The following CAT variants were observed in gnomAD, a reference collection of about 807,000 sequenced individuals.
The protein encoded by CAT is catalase, also known as epididymis secretory sperm binding protein.
A neutral mutation model predicts 59.0 loss-of-function variants in CAT; 43 were observed. The observed-to-expected ratio is 0.73, with a 90% CI of 0.57 to 0.94. The LOEUF is 0.94. Ranked by LOEUF, CAT falls within the 40% of genes least tolerant of loss-of-function variation. CAT has a pLI of 0.00. For synonymous variants in CAT, 218 were observed against 230.9 expected, an observed-to-expected ratio of 0.94 and a Z score of 0.51; for missense variants, 664 against 682.9, an observed-to-expected ratio of 0.97 and a Z score of 0.31.
intron 11 of CAT, 85 bp downstream of exon 11, chr11:34,468,480 C>A: frequency 1.0e-6 from 1 of 962,600 alleles, no homozygotes; most frequent in South Asian, 1.3e-5. Flanking sequence ...AAGAAAGTGC[C>A]ATTTCTGTTT....
At position 34,452,220 on chromosome 11, in the gene CAT, G is replaced by A. The variant is rs1222251736; in HGVS notation, c.480+13G>A. On this transcript the variant is annotated intron_variant, in intron 4 of 12. Transcript: ENST00000241052. Reference sequence around the variant, plus strand: ...GGATCCCATATTGGTAGGTAATAGAGTATTTTGCACTCAACAAATGTTTGT... The same window carrying A: ...GGATCCCATATTGGTAGGTAATAGAATATTTTGCACTCAACAAATGTTTGT... 5.6e-6 allele frequency: 9 copies of A among 1,612,796 alleles called. No homozygotes were observed. The highest frequency in any genetic ancestry group is 7.6e-6 in the Non-Finnish European group (9 of 1,178,856).
At chr11:34,454,510 C>G (rs1368857914) in intron 6 of CAT, among the ~76,000 whole-genome samples, 1 of 152,196 alleles carries the variant, frequency 6.6e-6, no homozygotes, top group Non-Finnish European at 1.5e-5. Flanking sequence ...CCAAATACTG[C>G]TGCTAAGATA....
intron 1 of CAT, among the ~76,000 whole-genome samples, chr11:34,448,891 G>T (rs1359692532): frequency 6.6e-6 from 1 of 152,148 alleles, no homozygotes; most frequent in Non-Finnish European, 1.5e-5. Flanking sequence ...TGGGAGCTTT[G>T]CAGAACCCAG....
chr11:34,454,044 A>G, intron 6 of CAT, 118 bp downstream of exon 6: 1 of 1,068,862 alleles, frequency 9.4e-7, no homozygotes, highest in African/African-American at 1.6e-5. Flanking sequence ...TCCATCCCCA[A>G]AGTTGGGAAG....
At chr11:34,465,565 T>G (rs756978286) in intron 10 of CAT, among the ~76,000 whole-genome samples, 20 of 152,304 alleles carry the variant, frequency 1.3e-4, no homozygotes, top group Non-Finnish European at 1.0e-4. Context: ...AGGCTATTGC[T>G]TACACATGAA....
chr11:34,442,265 G>A (rs1031978208), intron 1 of CAT, among the ~76,000 whole-genome samples: 2 of 152,194 alleles, frequency 1.3e-5, no homozygotes, highest in Non-Finnish European at 2.9e-5. Context: ...TGTAGGCTAA[G>A]TGTTATAATA....
intron 8 of CAT, among the ~76,000 whole-genome samples, chr11:34,459,260 G>A (rs558549022): frequency 2.6e-5 from 4 of 152,276 alleles, no homozygotes; most frequent in African/African-American, 9.6e-5. Flanking sequence ...TGTCTTGTTG[G>A]ACAGGAAGTG....
At chr11:34,458,451 G>A (rs1856614846) in intron 8 of CAT, among the ~76,000 whole-genome samples, 1 of 152,188 alleles carries the variant, frequency 6.6e-6, no homozygotes, top group South Asian at 2.1e-4. Flanking sequence ...ATTGGGAATA[G>A]CAAAAGGAAA....
Position 34,452,152 on chromosome 11 carries a change from A to T in CAT, c.425A>T (p.Asn142Ile). ...FAVKFYTEDGNWDLVGNNTPI... is the reference protein window; with the variant it reads ...FAVKFYTEDGIWDLVGNNTPI... ...GTGAAATTTTACACAGAAGATGGTA[A>T]CTGGGATCTCGTTGGAAATAACACC... Residue 142 changes from asparagine (N) to isoleucine (I), a missense_variant, in exon 4 of 13, where the codon AAC becomes ATC. Physicochemically the swap from Asn to Ile is moderately radical, Grantham distance 149 (BLOSUM62 -3). Transcript: ENST00000241052. The T allele has an allele frequency of 6.2e-7, 1 of 1,613,818 alleles. No individual in the cohort carries two copies. Among genetic ancestry groups the T allele is most frequent in the South Asian group, 1.1e-5 (1 of 91,074 alleles).
intron 12 of CAT, 34 bp from the exon 13 acceptor site, chr11:34,471,334 T>A (rs902028680): frequency 6.4e-7 from 1 of 1,550,602 alleles, no homozygotes; most frequent in Non-Finnish European, 8.9e-7. Flanking sequence ...GCCCATGAGG[T>A]GATTAACCTG....
intron 7 of CAT, 150 bp from the exon 8 acceptor site, chr11:34,456,515 C>A: frequency 2.5e-6 from 2 of 790,450 alleles, no homozygotes; most frequent in South Asian, 1.5e-5. Context: ...AAAGATTTAA[C>A]TAAGGCACTC....
At position 34,461,255 on chromosome 11, in the gene CAT, G is replaced by C; in HGVS notation, c.1061G>C (p.Arg354Pro). 6.2e-7 allele frequency: 1 copy of C among 1,614,126 alleles called. No homozygotes were observed. Among genetic ancestry groups the C allele is most frequent in the Non-Finnish European group, 8.5e-7 (1 of 1,179,974 alleles). Residue 354 changes from arginine to proline, a missense_variant, in exon 9 of 13, where the codon CGC (arginine) becomes CCC (proline). Transcript: ENST00000241052. ...CTATTGTATTTATTACTGCAGGGCCGCCTTTTTGCCTATCCTGACACTCAC... is the reference window on the plus strand; with the variant it reads ...CTATTGTATTTATTACTGCAGGGCCCCCTTTTTGCCTATCCTGACACTCAC... ...EASPDKMLQGRLFAYPDTHRH... is the reference protein window; with the variant it reads ...EASPDKMLQGPLFAYPDTHRH...
At chr11:34,463,550 C>G (rs560242280) in intron 9 of CAT, among the ~76,000 whole-genome samples, 27 of 152,264 alleles carry the variant, frequency 1.8e-4, no homozygotes, top group Non-Finnish European at 3.1e-4. Flanking sequence ...AGTTCCAACC[C>G]CATATCTACC....
At chr11:34,457,841 T>A (rs2133186939) in intron 8 of CAT, among the ~76,000 whole-genome samples, 1 of 152,378 alleles carries the variant, frequency 6.6e-6, no homozygotes, top group East Asian at 1.9e-4. Flanking sequence ...TGAAGGTTAC[T>A]TCTTATGTAA....
chr11:34,469,334 A>G (rs532743315), intron 11 of CAT, among the ~76,000 whole-genome samples: 1 of 152,250 alleles, frequency 6.6e-6, no homozygotes, highest in East Asian at 1.9e-4. Flanking sequence ...ACTGGAGAGA[A>G]TGGATACGAC....
intron 8 of CAT, among the ~76,000 whole-genome samples, chr11:34,458,252 C>G (rs1169888497): frequency 6.6e-6 from 1 of 152,160 alleles, no homozygotes; most frequent in Non-Finnish European, 1.5e-5. Flanking sequence ...TGTGTTGAAA[C>G]TATAAACAGT....
At chr11:34,462,131 T>G (rs1335219293) in intron 9 of CAT, among the ~76,000 whole-genome samples, 2 of 152,206 alleles carry the variant, frequency 1.3e-5, no homozygotes, top group Admixed American at 6.5e-5. Flanking sequence ...TTAAAGTTTT[T>G]TCCTTTTACT....
intron 7 of CAT, 131 bp from the exon 8 acceptor site, chr11:34,456,534 T>A: frequency 1.1e-6 from 1 of 918,200 alleles, no homozygotes; most frequent in Non-Finnish European, 1.8e-6. Context: ...TCATCTTAAA[T>A]TCTTATGTTT....
chr11:34,450,184 G>A (rs1460234784), intron 2 of CAT, among the ~76,000 whole-genome samples: 5 of 152,174 alleles, frequency 3.3e-5, no homozygotes, highest in Non-Finnish European at 7.3e-5. Context: ...AGGACCTGCT[G>A]TACAGAAATA....
Sources: gnomAD v4.1 joint callset for allele counts (sites outside exome capture counted in the v4.1 genomes callset) on GRCh38, gnomAD v4.1.1 for gene constraint, MANE v1.5 for transcripts, NCBI Gene and HGNC (gene_info 2026-07-23, HGNC 2026-07-21) for gene names.